The following SZT2 variants were observed in gnomAD, a reference collection of about 807,000 sequenced individuals.
SZT2 encodes SZT2 subunit of KICSTOR complex.
In SZT2, 216 loss-of-function variants were observed where a neutral mutation model predicts 404.2. The ratio of observed to expected loss-of-function variants is 0.53; its 90% CI spans 0.48 to 0.60. SZT2 has a LOEUF of 0.60. Ranked by LOEUF, SZT2 falls within the 20% of genes least tolerant of loss-of-function variation. SZT2 has a pLI of 0.00. For synonymous variants in SZT2, 1,693 were observed against 1,749.9 expected (o/e 0.97, Z 0.81); for missense variants, 3,857 against 4,459.2 (o/e 0.86, Z 3.85).
Position 43,441,453 on chromosome 1 carries a change from A to AC in SZT2, c.7512-50dup. On this transcript the variant is annotated intron_variant, in intron 53 of 71. Coordinates refer to ENST00000634258, the MANE Select transcript of SZT2 (RefSeq NM_001365999.1). The surrounding 1 kb of genome is among the most constrained non-coding windows in gnomAD (Gnocchi z 4.8). ...CACAGATGGGCCTTGGTCTGTATAA[A>AC]CATACAAGTGTCATGTATGGACATG... The AC allele has an allele frequency of 6.2e-7, 1 of 1,610,176 alleles. No homozygotes were observed. The highest frequency in any genetic ancestry group is 2.2e-5 in the East Asian group (1 of 44,832).
At chr1:43,403,065 T>C in intron 1 of SZT2, 112 bp from the exon 2 acceptor site, 1 of 1,175,216 alleles carries the variant, frequency 8.5e-7, no homozygotes, top group Admixed American at 2.0e-5. Flanking sequence ...TTCTGCTGTT[T>C]TCCCTCTCAT....
Position 43,441,299 on chromosome 1 carries a change from G to A in SZT2, c.7430G>A (p.Arg2477Lys), listed in dbSNP as rs1450070923. 2 of 1,614,238 alleles carry A rather than the reference G, an allele frequency of 1.2e-6. No homozygotes were observed. The highest frequency in any genetic ancestry group is 8.5e-7 in the Non-Finnish European group (1 of 1,180,042). ...CGGCCAGAAGACACTCGGGGCCGGA[G>A]GCGTCACAAAACCGAGAGTGTTCGG... Reference protein sequence around the residue: ...LDRPEDTRGRRRHKTESVRTP... With the variant: ...LDRPEDTRGRKRHKTESVRTP... Residue 2477 changes from arginine (R) to lysine (K), a missense_variant, in exon 53 of 72, where the codon AGG (arginine) becomes AAG (lysine). Transcript: ENST00000634258. This position sits in a 1 kb window ranked among gnomAD's most constrained non-coding sequence, Gnocchi z 4.8.
chr1:43,426,789 GACTCCGCTTTT>G lies in SZT2; in HGVS notation c.3293_3303del (p.Ser1098PhefsTer8). ...AGTCGGCAGCACCCAGGCCACAGGA[GACTCCGCTTTT>G]ACTTCCCTGGTCAGCACCGATTCTT... On this transcript the variant is annotated frameshift_variant, in exon 23 of 72. Transcript: ENST00000634258. LOFTEE classifies it high-confidence loss of function. The surrounding 1 kb of genome is among the most constrained non-coding windows in gnomAD (Gnocchi z 4.9). The G allele has an allele frequency of 6.2e-7, 1 of 1,613,772 alleles. No homozygotes were observed. Among genetic ancestry groups the G allele is most frequent in the Non-Finnish European group, 8.5e-7 (1 of 1,179,862 alleles).
intron 4 of SZT2, chr1:43,405,019 T>A (rs1292689920): frequency 6.5e-6 from 1 of 152,760 alleles, no homozygotes; most frequent in Non-Finnish European, 1.5e-5. Flanking sequence ...TTGTCTTTTT[T>A]TGAGACGGAG....
Position 43,437,244 on chromosome 1 carries a change from C to A in SZT2, c.6108C>A (p.Phe2036Leu). Residue 2036 changes from phenylalanine (F) to leucine (L), a missense_variant, in exon 43 of 72, where the codon TTC becomes TTA. Coordinates refer to ENST00000634258, the MANE Select transcript of SZT2 (RefSeq NM_001365999.1). The surrounding 1 kb of genome is among the most constrained non-coding windows in gnomAD (Gnocchi z 5.3). ...CAATGCAGTTTGTCCCTGGCCATTT[C>A]TCCTGTGACGTTGTGTGGGGAACTG... ...AATMQFVPGH[F>L]SCDVVWGTVI... The A allele has an allele frequency of 6.2e-7, 1 of 1,614,176 alleles. No individual in the cohort carries two copies. The highest frequency in any genetic ancestry group is 8.5e-7 in the Non-Finnish European group (1 of 1,180,034).
intron 40 of SZT2, 117 bp downstream of exon 40, chr1:43,433,307 A>G (rs551293432): frequency 1.1e-5 from 12 of 1,081,112 alleles, no homozygotes; most frequent in Middle Eastern, 3.1e-4. Flanking sequence ...GCTTGGGTAG[A>G]GATCCAACTT....
chr1:43,395,199 C>T (rs1648848186), intron 1 of SZT2, among the ~76,000 whole-genome samples: 1 of 152,208 alleles, frequency 6.6e-6, no homozygotes, highest in African/African-American at 2.4e-5. Flanking sequence ...CCCCCATTCT[C>T]TCCTCACTTA....
Position 43,453,565 on chromosome 1 carries a change from C to G in SZT2, c.*3085C>G. The stretch of plus-strand genomic sequence containing the variant: ...CTGCCCGCGCCCCGGCACCCCCCAG[C>G]CCTCCCAGCCCTCCCGGCCCGCGAC... On this transcript the variant is annotated 3_prime_UTR_variant, in exon 72 of 72. Transcript: ENST00000634258. 3 of 1,514,784 alleles carry G rather than the reference C, an allele frequency of 2.0e-6. No individual in the cohort carries two copies. Among genetic ancestry groups the G allele is most frequent in the Non-Finnish European group, 2.7e-6 (3 of 1,128,082 alleles). 93.8% of individuals were successfully genotyped at this position (1,514,784 alleles called of 1,614,324 possible).
chr1:43,442,883 C>T lies in SZT2; in HGVS notation c.8216C>T (p.Pro2739Leu), dbSNP rs774032264. The change falls in exon 59 of 72, where the codon CCG (proline) becomes CTG (leucine). Residue 2739 changes from proline to leucine, a missense_variant. By Grantham distance (98) the Pro-to-Leu change is moderately conservative. This residue lies in a region of SZT2 where 573 missense variants were observed against 592.4 expected (regional missense o/e 0.97). Transcript: ENST00000634258. The surrounding 1 kb of genome is among the most constrained non-coding windows in gnomAD (Gnocchi z 4.5). ...VETLIRSASP[P>L]LSREQGRLSG... Reference sequence around the variant, plus strand: ...ACCCTCATCCGGAGTGCAAGTCCCCCGCTGAGCCGTGAGCAGGGCCGACTG... The same window carrying T: ...ACCCTCATCCGGAGTGCAAGTCCCCTGCTGAGCCGTGAGCAGGGCCGACTG... 26 of 1,613,658 alleles carry T rather than the reference C, an allele frequency of 1.6e-5. No individual in the cohort carries two copies. The highest frequency in any genetic ancestry group is 4.0e-5 in the African/African-American group (3 of 74,888).
chr1:43,429,877 TAG>T (rs750120032), intron 29 of SZT2, 33 bp downstream of exon 29: 14 of 1,613,634 alleles, frequency 8.7e-6, no homozygotes, highest in Non-Finnish European at 1.1e-5. Flanking sequence ...GAAGAGGTGT[TAG>T]AGTCCTGCCT....
intron 11 of SZT2, 46 bp downstream of exon 11, chr1:43,421,349 G>A (rs1282983585): frequency 1.3e-6 from 2 of 1,588,698 alleles, no homozygotes; most frequent in African/African-American, 2.7e-5. Context: ...GTCAACTTGG[G>A]TTGCACAGCA....
chr1:43,422,344 T>C lies in SZT2; in HGVS notation c.1769+119T>C, dbSNP rs75551353. On this transcript the variant is annotated intron_variant, in intron 12 of 71. Transcript: ENST00000634258. ...ACCAACTGTGGCCAAGGAAAAACTA[T>C]AGCCTTTTCCTTGCCTCCCTGCTCT... 4.1e-4 allele frequency: 611 copies of C among 1,484,416 alleles called. 13 individuals are homozygous for C. The East Asian group carries it at 0.014, about 34-fold the overall frequency. 92.0% of individuals were successfully genotyped at this position (1,484,416 alleles called of 1,614,324 possible).
At chr1:43,395,825 T>C (rs931428664) in intron 1 of SZT2, among the ~76,000 whole-genome samples, 2 of 152,238 alleles carry the variant, frequency 1.3e-5, no homozygotes, top group African/African-American at 4.8e-5. Flanking sequence ...AGTGAATGCA[T>C]GCATGCTTAC....
intron 1 of SZT2, among the ~76,000 whole-genome samples, chr1:43,402,863 A>C (rs2153929536): frequency 6.6e-6 from 1 of 152,328 alleles, no homozygotes; most frequent in South Asian, 2.1e-4. Context: ...CAGGGGCACA[A>C]AAGTAGAATC....
Position 43,431,375 on chromosome 1 carries a change from ACTT to A in SZT2, c.5024+7_5024+9del, listed in dbSNP as rs776120171. 63 of 1,611,346 alleles carry A rather than the reference ACTT, an allele frequency of 3.9e-5. No individual in the cohort carries two copies. Among genetic ancestry groups the A allele is most frequent in the Non-Finnish European group, 5.3e-5 (62 of 1,177,664 alleles). The stretch of plus-strand genomic sequence containing the variant: ...CTGCCACCCCCAGAAGAGGAGAGGT[ACTT>A]CTTTATCTCCCTGTCAGAGTTCATT... On this transcript the variant is annotated splice_donor_5th_base_variant and intron_variant, in intron 34 of 71. Transcript: ENST00000634258.
intron 4 of SZT2, chr1:43,405,122 G>C (rs938637743): frequency 6.6e-6 from 1 of 152,632 alleles, no homozygotes; most frequent in African/African-American, 2.4e-5. Flanking sequence ...TCCTGCCTCA[G>C]CCTCCCAAGT....
intron 61 of SZT2, 36 bp from the exon 62 acceptor site, chr1:43,443,561 A>G (rs1380201951): frequency 6.2e-7 from 1 of 1,613,634 alleles, no homozygotes; most frequent in East Asian, 2.2e-5. Context: ...GATGGTTGAC[A>G]GTGGGGAGAG....
intron 40 of SZT2, among the ~76,000 whole-genome samples, chr1:43,433,522 C>G (rs1409015997): frequency 2.0e-5 from 3 of 152,182 alleles, no homozygotes; most frequent in African/African-American, 7.2e-5. Context: ...TAGCTCATGC[C>G]CGTAATCCCA....
rs1165181073 is a variant in SZT2 at position 43,452,933 on chromosome 1, A to G, written c.*2453A>G. 4 of 1,608,154 alleles carry G rather than the reference A, an allele frequency of 2.5e-6. No individual in the cohort carries two copies. The highest frequency in any genetic ancestry group is 2.7e-5 in the African/African-American group (2 of 74,908). ...CAGCCTCAGGAACGCTGCCAAATAC[A>G]CCAGGCCTCCTCTTGCCACAGCACC... On this transcript the variant is annotated 3_prime_UTR_variant, in exon 72 of 72. Transcript: ENST00000634258.
Sources: gnomAD v4.1 joint callset for allele counts (sites outside exome capture counted in the v4.1 genomes callset) on GRCh38, gnomAD v4.1.1 for gene constraint, gnomAD v4.1.1 regional missense constraint, Gnocchi (gnomAD v3.1) non-coding constraint, MANE v1.5 for transcripts, NCBI Gene and HGNC (gene_info 2026-07-23, HGNC 2026-07-21) for gene names.